TNKS: variants seen among roughly 807,000 people sequenced by gnomAD.
TNKS encodes poly [ADP-ribose] polymerase tankyrase-1.
TNKS carries 72 observed loss-of-function variants against 135.8 expected under a neutral mutation model. That is an observed-to-expected ratio of 0.53 (90% CI 0.44 to 0.64). The LOEUF (loss-of-function observed/expected upper bound fraction) is 0.64. TNKS is among the 30% of genes least tolerant of loss of function. The pLI is 0.00. For missense variants in TNKS, 1,769 were observed against 1,674.0 expected (o/e 1.06, Z -0.99); for synonymous variants, 849 against 649.3 (o/e 1.31, Z -4.68).
intron 3 of TNKS, among the ~76,000 whole-genome samples, chr8:9,636,860 T>G (rs1389782286): frequency 6.6e-6 from 1 of 152,224 alleles, no homozygotes; most frequent in Non-Finnish European, 1.5e-5. Flanking sequence ...TATATATGAC[T>G]GCAATATGTA....
At chr8:9,732,940 A>T (rs1805516864) in intron 14 of TNKS, among the ~76,000 whole-genome samples, 1 of 152,186 alleles carries the variant, frequency 6.6e-6, no homozygotes, top group South Asian at 2.1e-4. Context: ...CTTTTTACCA[A>T]GGTAGAACTT....
At chr8:9,661,490 T>C (rs1158083259) in intron 3 of TNKS, among the ~76,000 whole-genome samples, 1 of 152,080 alleles carries the variant, frequency 6.6e-6, no homozygotes, top group Non-Finnish European at 1.5e-5. Context: ...GGGAAAGGAT[T>C]CCCTATTTAA....
intron 12 of TNKS, among the ~76,000 whole-genome samples, chr8:9,723,008 T>G (rs1394170204): frequency 6.6e-6 from 1 of 152,124 alleles, no homozygotes; most frequent in Non-Finnish European, 1.5e-5. Context: ...TAAATCTCCT[T>G]TAAAATTGAT....
chr8:9,697,902 C>G (rs777618444), intron 5 of TNKS, among the ~76,000 whole-genome samples: 5 of 152,072 alleles, frequency 3.3e-5, no homozygotes, highest in Non-Finnish European at 5.9e-5. Context: ...ATTACTAGAT[C>G]TATACACAAA....
At chr8:9,628,904 A>G (rs1394314967) in intron 3 of TNKS, among the ~76,000 whole-genome samples, 1 of 152,140 alleles carries the variant, frequency 6.6e-6, no homozygotes, top group Non-Finnish European at 1.5e-5. Context: ...CTCTCGGGAA[A>G]TATTACCACA....
intron 3 of TNKS, among the ~76,000 whole-genome samples, chr8:9,652,745 C>T (rs1365263009): frequency 6.6e-6 from 1 of 152,102 alleles, no homozygotes; most frequent in East Asian, 1.9e-4. Flanking sequence ...TTATCATCAT[C>T]ATCACTATCA....
chr8:9,711,367 G>T (rs1804327751), intron 11 of TNKS, among the ~76,000 whole-genome samples: 1 of 152,166 alleles, frequency 6.6e-6, no homozygotes. Context: ...AAACTCACTT[G>T]TTTGTTCCCT....
chr8:9,694,761 C>CA (rs58723864), intron 5 of TNKS, among the ~76,000 whole-genome samples: 52 of 132,210 alleles, frequency 3.9e-4, no homozygotes, highest in East Asian at 1.6e-3. Flanking sequence ...GACTCTGTCT[C>CA]AAAAAAAAAA....
intron 2 of TNKS, among the ~76,000 whole-genome samples, chr8:9,606,953 T>C (rs1799246020): frequency 1.3e-5 from 2 of 152,178 alleles, no homozygotes; most frequent in South Asian, 2.1e-4. Context: ...TTGTCTCTTC[T>C]GCAGACCTTG....
intron 26 of TNKS, among the ~76,000 whole-genome samples, chr8:9,775,811 CTTCT>C (rs1450332573): frequency 6.6e-6 from 1 of 151,912 alleles, no homozygotes; most frequent in Non-Finnish European, 1.5e-5. Context: ...ACCCAAGAGT[CTTCT>C]TTTAGTCACA....
At chr8:9,622,120 TA>T (rs1323179578) in intron 3 of TNKS, among the ~76,000 whole-genome samples, 6 of 152,240 alleles carry the variant, frequency 3.9e-5, no homozygotes, top group Non-Finnish European at 7.3e-5. Flanking sequence ...TTGAAATTTT[TA>T]AAATATGAAG....
rs142336597 is a variant in TNKS, at chr8:9,758,099, T to A, written c.3154-3417T>A. 1.3e-3 allele frequency among the ~76,000 whole-genome samples: 196 copies of A among 152,324 alleles called. 1 individual carries two copies. The highest frequency in any genetic ancestry group is 2.0e-3 in the Non-Finnish European group (136 of 68,034). ...GTACTATTTTTATGACTTCTCTAAG[T>A]ACCAGTGACCTCATAAATACATTAA... On this transcript the variant is annotated intron_variant, in intron 20 of 26. Coordinates refer to ENST00000310430, the MANE Select transcript of TNKS (RefSeq NM_003747.3).
At chr8:9,774,906 A>C (rs977704266) in intron 26 of TNKS, among the ~76,000 whole-genome samples, 1 of 152,186 alleles carries the variant, frequency 6.6e-6, no homozygotes, top group Non-Finnish European at 1.5e-5. Flanking sequence ...GATAAAAGGA[A>C]GTAGGGGTGG....
intron 11 of TNKS, among the ~76,000 whole-genome samples, chr8:9,717,210 T>C (rs1804658943): frequency 6.7e-6 from 1 of 150,010 alleles, no homozygotes; most frequent in Non-Finnish European, 1.5e-5. Context: ...CTGTAGTGAG[T>C]TCACAACACA....
Position 9,682,132 on chromosome 8 carries a change from T to C in TNKS, c.1107+1332T>C, listed in dbSNP as rs193279999. 1.2e-3 allele frequency among the ~76,000 whole-genome samples: 181 copies of C among 152,250 alleles called. 4 individuals are homozygous for C. The highest frequency in any genetic ancestry group is 0.011 in the Admixed American group (169 of 15,288). Reference sequence around the variant, plus strand: ...GTGCACTTGAAACTCCAGATTTTATTTGGATTCTCCAAGTAGATAAAGTGA... The same window carrying C: ...GTGCACTTGAAACTCCAGATTTTATCTGGATTCTCCAAGTAGATAAAGTGA... On this transcript the variant is annotated intron_variant, in intron 5 of 26. Coordinates refer to ENST00000310430, the MANE Select transcript of TNKS (RefSeq NM_003747.3).
chr8:9,576,674 C>A (rs1797960932), intron 1 of TNKS, among the ~76,000 whole-genome samples: 1 of 151,988 alleles, frequency 6.6e-6, no homozygotes, highest in East Asian at 1.9e-4. Flanking sequence ...CAATCACTTC[C>A]CACCAGGCCC....
rs1815303587 is a variant in TNKS, at chr8:9,556,377, T to A, written c.438T>A (p.Pro146=). Residue 146 remains proline, a synonymous_variant, in exon 1 of 27, where the codon CCT becomes CCA. Transcript: ENST00000310430. ...CCTCATCTTCCTCTCCATCCTCCCC[T>A]GGATCGAGCTTGGCGGAGAGCCCCG... is the stretch of plus-strand genomic sequence containing the variant. ...TSSSSSSPSS[P]GSSLAESPEA... The A allele has an allele frequency of 1.9e-6, 3 of 1,614,082 alleles. No individual in the cohort carries two copies. Among genetic ancestry groups the A allele is most frequent in the Non-Finnish European group, 2.5e-6 (3 of 1,180,042 alleles).
intron 3 of TNKS, among the ~76,000 whole-genome samples, chr8:9,627,933 A>G (rs774039690): frequency 2.2e-4 from 34 of 152,250 alleles, no homozygotes; most frequent in Non-Finnish European, 4.3e-4. Context: ...GCTATCACCA[A>G]TTCTACCAAC....
intron 3 of TNKS, among the ~76,000 whole-genome samples, chr8:9,662,423 G>C (rs913602167): frequency 2.0e-5 from 3 of 152,048 alleles, no homozygotes; most frequent in African/African-American, 7.2e-5. Flanking sequence ...CCATAAAAAA[G>C]GATGAGTTCA....
Sources: gnomAD v4.1 joint callset for allele counts (sites outside exome capture counted in the v4.1 genomes callset) on GRCh38, gnomAD v4.1.1 for gene constraint, MANE v1.5 for transcripts, NCBI Gene and HGNC (gene_info 2026-07-23, HGNC 2026-07-21) for gene names.